The following COL22A1 variants were observed in gnomAD, a reference collection of about 807,000 sequenced individuals.
COL22A1 encodes the protein collagen type XXII alpha 1 chain.
A neutral mutation model predicts 248.9 loss-of-function variants in COL22A1; 221 were observed. That is an observed-to-expected ratio of 0.89 (90% CI 0.80 to 0.99). The LOEUF is 0.99. COL22A1 is among the 50% of genes least tolerant of loss of function. The probability of loss-of-function intolerance (pLI) is 0.00; values close to 1 mark genes in which losing one functional copy is unlikely to be tolerated. For missense variants in COL22A1, 2,240 were observed against 2,179.0 expected, an observed-to-expected ratio of 1.03 and a Z score of -0.56; for synonymous variants, 891 against 793.4, an observed-to-expected ratio of 1.12 and a Z score of -2.07.
intron 41 of COL22A1, among the ~76,000 whole-genome samples, chr8:138,675,647 T>C (rs1380234756): frequency 6.6e-6 from 1 of 152,150 alleles, no homozygotes; most frequent in Non-Finnish European, 1.5e-5. Flanking sequence ...ACTTTTAAGG[T>C]GCATTAAGAG....
rs560200108 is a variant in COL22A1, at chr8:138,867,612, G to A, written c.658+10138C>T. On this transcript the variant is annotated intron_variant, in intron 3 of 64. Transcript: ENST00000303045. Reference sequence around the variant, plus strand: ...AGACCTGGGATTCCACTCTAGCCCCGCTGACATGAGACCACAGGTCTTAGC... The same window carrying A: ...AGACCTGGGATTCCACTCTAGCCCCACTGACATGAGACCACAGGTCTTAGC... 1.2e-4 allele frequency among the ~76,000 whole-genome samples: 19 copies of A among 152,244 alleles called. No individual in the cohort carries two copies. The South Asian group carries it at 2.7e-3, about 22-fold the overall frequency.
At chr8:138,760,409 AG>A in intron 17 of COL22A1, 122 bp from the exon 18 acceptor site, 4 of 860,344 alleles carry the variant, frequency 4.6e-6, no homozygotes, top group Non-Finnish European at 7.0e-6. Context: ...CAGAAGCCAA[AG>A]TCCCTTTAGA....
chr8:138,673,211 A>G (rs371478972), intron 41 of COL22A1, among the ~76,000 whole-genome samples: 1 of 138,346 alleles, frequency 7.2e-6, no homozygotes, highest in Non-Finnish European at 1.6e-5. Flanking sequence ...CAGCCGATCT[A>G]TTTTTTTTTT....
At chr8:138,851,970 C>G (rs1030473181) in intron 3 of COL22A1, among the ~76,000 whole-genome samples, 48 of 151,902 alleles carry the variant, frequency 3.2e-4, no homozygotes, top group African/African-American at 1.1e-3. Flanking sequence ...GAAGAGAGGA[C>G]AGCATAGCAG....
rs7812770 is a variant in COL22A1, at chr8:138,687,853, G to A, written c.2862+1064C>T. On this transcript the variant is annotated intron_variant, in intron 37 of 64. Coordinates refer to ENST00000303045, the MANE Select transcript of COL22A1 (RefSeq NM_152888.3). ...AGGGGAATGTCTCATGTGCTGTGAG[G>A]TTTTTAGCAGGTTCTCTGGTCTCTA... 2.0e-3 allele frequency among the ~76,000 whole-genome samples: 303 copies of A among 152,328 alleles called. 1 individual carries two copies. The highest frequency in any genetic ancestry group is 0.01 in the Middle Eastern group (3 of 294).
chr8:138,757,997 C>T (rs1430183367), intron 18 of COL22A1, among the ~76,000 whole-genome samples: 1 of 152,202 alleles, frequency 6.6e-6, no homozygotes, highest in Non-Finnish European at 1.5e-5. Flanking sequence ...TGGGAGGTGA[C>T]TTCCAAGATT....
intron 30 of COL22A1, among the ~76,000 whole-genome samples, chr8:138,712,793 G>A (rs1193570291): frequency 2.6e-5 from 4 of 152,026 alleles, no homozygotes; most frequent in Non-Finnish European, 5.9e-5. Context: ...TATCAGTAGA[G>A]GGTATGTATT....
At chr8:138,878,596 C>T (rs1464863172) in intron 2 of COL22A1, among the ~76,000 whole-genome samples, 2 of 152,184 alleles carry the variant, frequency 1.3e-5, no homozygotes, top group African/African-American at 2.4e-5. Context: ...AGCACTATGC[C>T]TCAATCTCTT....
chr8:138,808,213 A>G (rs1369189865), intron 9 of COL22A1, among the ~76,000 whole-genome samples: 2 of 152,218 alleles, frequency 1.3e-5, no homozygotes, highest in African/African-American at 2.4e-5. Flanking sequence ...CATGCCTCAG[A>G]CAGGAGGAAT....
intron 12 of COL22A1, among the ~76,000 whole-genome samples, chr8:138,782,163 T>C (rs1183243318): frequency 6.6e-6 from 1 of 152,206 alleles, no homozygotes; most frequent in East Asian, 1.9e-4. Context: ...CAGACAAATG[T>C]CTCTGGCCAT....
intron 16 of COL22A1, among the ~76,000 whole-genome samples, chr8:138,763,781 G>A (rs1398144103): frequency 6.6e-6 from 1 of 152,128 alleles, no homozygotes; most frequent in Non-Finnish European, 1.5e-5. Context: ...CTCAGATTCA[G>A]TGTCCCCTCC....
intron 58 of COL22A1, among the ~76,000 whole-genome samples, chr8:138,606,084 C>T (rs1818394873): frequency 6.6e-6 from 1 of 152,190 alleles, no homozygotes; most frequent in Non-Finnish European, 1.5e-5. Context: ...ATTTAATCCT[C>T]AGAAGTAGAT....
rs770478860 is a variant in COL22A1, at chr8:138,636,532, A to AAAGGCAAGGCAAGGC, written c.3555+209_3555+210insGCCTTGCCTTGCCTT. Among the ~76,000 whole-genome samples the AAAGGCAAGGCAAGGC allele has an allele frequency of 8.8e-3, 728 of 82,412 alleles. 21 individuals carry two copies. The highest frequency in any genetic ancestry group is 0.024 in the Admixed American group (156 of 6,620). 54.1% of individuals were successfully genotyped at this position (82,412 alleles called of 152,430 possible). A position where few individuals can be genotyped will look rare whatever the true frequency, so the allele number is the denominator to read the frequency against. ...AAAGGAAAGGAAAGGAAAGGAAAGG[A>AAAGGCAAGGCAAGGC]AAGGCAGGGAGGCTTCTCCAATAAT... On this transcript the variant is annotated intron_variant, in intron 48 of 64. Coordinates refer to ENST00000303045, the MANE Select transcript of COL22A1 (RefSeq NM_152888.3).
At chr8:138,893,111 C>T (rs1554658926) in intron 1 of COL22A1, among the ~76,000 whole-genome samples, 1 of 152,198 alleles carries the variant, frequency 6.6e-6, no homozygotes, top group Non-Finnish European at 1.5e-5. Context: ...AAGAGGGCTG[C>T]CTTGGAGCCC....
intron 7 of COL22A1, among the ~76,000 whole-genome samples, chr8:138,818,279 C>T (rs1818839988): frequency 6.6e-6 from 1 of 152,144 alleles, no homozygotes; most frequent in Admixed American, 6.5e-5. Flanking sequence ...AGCCAGAGTC[C>T]TAGCCTGGCT....
At chr8:138,777,105 T>A (rs2131503496) in intron 15 of COL22A1, among the ~76,000 whole-genome samples, 1 of 152,350 alleles carries the variant, frequency 6.6e-6, no homozygotes, top group Admixed American at 6.5e-5. Flanking sequence ...TGTATCTATG[T>A]GAGCTCCCTG....
intron 46 of COL22A1, among the ~76,000 whole-genome samples, chr8:138,649,343 G>T (rs985796672): frequency 6.6e-6 from 1 of 152,178 alleles, no homozygotes; most frequent in Non-Finnish European, 1.5e-5. Context: ...ATAGTAGATA[G>T]GCAAAAGTTG....
At chr8:138,885,855 G>A (rs192773410) in intron 1 of COL22A1, among the ~76,000 whole-genome samples, 8 of 152,278 alleles carry the variant, frequency 5.3e-5, no homozygotes, top group Admixed American at 4.6e-4. Flanking sequence ...GAGCCACTGC[G>A]CCCAGCCTCA....
At chr8:138,778,450 G>T in intron 14 of COL22A1, 44 bp from the exon 15 acceptor site, 1 of 1,531,906 alleles carries the variant, frequency 6.5e-7, no homozygotes, top group East Asian at 2.3e-5. Context: ...GGATGGAAAA[G>T]AAAGGCAAGT....
Sources: allele counts gnomAD v4.1 joint callset (sites outside exome capture counted in the v4.1 genomes callset), GRCh38; gene constraint gnomAD v4.1.1; transcripts MANE v1.5; gene names NCBI Gene and HGNC (gene_info 2026-07-23, HGNC 2026-07-21).